Variants in WDHD1 observed in about 807,000 individuals in gnomAD.
WDHD1 encodes the protein WD repeat and HMG-box DNA binding protein 1.
WDHD1 carries 111 observed loss-of-function variants against 135.4 expected under a neutral mutation model. That is an observed-to-expected ratio of 0.82 (90% confidence interval 0.70 to 0.96). The LOEUF is 0.96. Ranked by LOEUF, WDHD1 falls within the 40% of genes least tolerant of loss-of-function variation. WDHD1 has a pLI of 0.00. For missense variants in WDHD1, 1,351 were observed against 1,336.3 expected (o/e 1.01, Z -0.17); for synonymous variants, 434 against 439.0 (o/e 0.99, Z 0.14).
At position 55,011,885 on chromosome 14, in the gene WDHD1, G is replaced by A. The variant is rs138914907; in HGVS notation, c.190-1425C>T. Among the ~76,000 whole-genome samples, 1,505 of 151,884 alleles carry A rather than the reference G, an allele frequency of 9.9e-3. 16 individuals are homozygous for A. The highest frequency in any genetic ancestry group is 0.027 in the Middle Eastern group (8 of 294). Reference sequence around the variant, plus strand: ...ATTGAAAGACCCTTCAATTGTTTCCGACATTTGCTATTGTTATGAATTGTG... The same window carrying A: ...ATTGAAAGACCCTTCAATTGTTTCCAACATTTGCTATTGTTATGAATTGTG... On this transcript the variant is annotated intron_variant, in intron 3 of 25. Coordinates refer to ENST00000360586, the MANE Select transcript of WDHD1 (RefSeq NM_007086.4).
At chr14:54,968,868 C>T (rs971675350) in intron 16 of WDHD1, among the ~76,000 whole-genome samples, 2 of 152,020 alleles carry the variant, frequency 1.3e-5, no homozygotes, top group South Asian at 4.1e-4. Context: ...AAATGAGACC[C>T]AATTGCTACA....
At position 54,951,187 on chromosome 14, in the gene WDHD1, C is replaced by CA. The variant is rs916529889; in HGVS notation, c.3050+4373dup. 1.0e-3 allele frequency among the ~76,000 whole-genome samples: 151 copies of CA among 151,612 alleles called. 1 individual carries two copies. Among genetic ancestry groups the CA allele is most frequent in the African/African-American group, 3.2e-3 (133 of 41,230 alleles). On this transcript the variant is annotated intron_variant, in intron 24 of 25. Transcript: ENST00000360586. ...GGAGATAGAGACACAAAAAAGCCTT[C>CA]AAAAAATCAATGAATCCAGGAGCTG... is the stretch of plus-strand genomic sequence containing the variant.
At chr14:55,001,876 C>G (rs2041986360) in intron 8 of WDHD1, among the ~76,000 whole-genome samples, 1 of 152,180 alleles carries the variant, frequency 6.6e-6, no homozygotes, top group South Asian at 2.1e-4. Context: ...TGTTCTAATA[C>G]TATGCAAGGG....
At chr14:54,967,158 C>T in intron 17 of WDHD1, 122 bp downstream of exon 17, 3 of 786,046 alleles carry the variant, frequency 3.8e-6, no homozygotes, top group Non-Finnish European at 6.0e-6. Flanking sequence ...CCCTGCTACC[C>T]CTATTTATGT....
chr14:54,996,214 TAA>T lies in WDHD1; in HGVS notation c.943-403_943-402del, dbSNP rs370792481. Among the ~76,000 whole-genome samples the T allele has an allele frequency of 8.7e-3, 1,327 of 152,326 alleles. 19 individuals are homozygous for T. The highest frequency in any genetic ancestry group is 0.031 in the African/African-American group (1,273 of 41,568). Reference sequence around the variant, plus strand: ...CTTTTATTTTGAACAAAATACTGCATAAGATACATTTTCTTTATATTATCTCA... The same window carrying T: ...CTTTTATTTTGAACAAAATACTGCATGATACATTTTCTTTATATTATCTCA... On this transcript the variant is annotated intron_variant, in intron 10 of 25. Coordinates refer to ENST00000360586, the MANE Select transcript of WDHD1 (RefSeq NM_007086.4).
intron 16 of WDHD1, among the ~76,000 whole-genome samples, chr14:54,981,171 G>A (rs779867527): frequency 1.3e-5 from 2 of 148,412 alleles, no homozygotes; most frequent in Non-Finnish European, 3.0e-5. Context: ...CAGCTTAATT[G>A]TATATTTCAA....
At chr14:54,955,467 G>T in intron 24 of WDHD1, 94 bp downstream of exon 24, 2 of 1,269,498 alleles carry the variant, frequency 1.6e-6, no homozygotes, top group Non-Finnish European at 2.0e-6. Context: ...TGTATTATTT[G>T]TATTAAGGAA....
At position 55,014,461 on chromosome 14, in the gene WDHD1, G is replaced by A. The variant is rs114298834; in HGVS notation, c.78-865C>T. ...AATCTGCAACAATAAAATAGGGACC[G>A]TATCTTCCTTGTCCACCATTGTATC... On this transcript the variant is annotated intron_variant, in intron 2 of 25. Transcript: ENST00000360586. 3.1e-3 allele frequency among the ~76,000 whole-genome samples: 474 copies of A among 152,230 alleles called. 2 individuals are homozygous for A. Among genetic ancestry groups the A allele is most frequent in the African/African-American group, 0.011 (450 of 41,544 alleles).
chr14:54,962,442 T>C (rs1261912715), intron 21 of WDHD1, 56 bp downstream of exon 21: 2 of 1,348,276 alleles, frequency 1.5e-6, no homozygotes, highest in East Asian at 2.3e-5. Flanking sequence ...GATGTGTCAC[T>C]TTGCAGATGA....
intron 3 of WDHD1, among the ~76,000 whole-genome samples, chr14:55,012,030 G>A (rs2042179529): frequency 6.6e-6 from 1 of 151,632 alleles, no homozygotes. Context: ...TATGTATCCA[G>A]CCACTATGTA....
intron 16 of WDHD1, among the ~76,000 whole-genome samples, chr14:54,972,277 C>A (rs55965693): frequency 0.54 from 60,574 of 112,272 alleles, 14,159 homozygotes; most frequent in African/African-American, 0.71. Flanking sequence ...TCGGTCTCAC[C>A]AAAAAAAAAA....
At chr14:55,019,655 G>A (rs1245331541) in intron 2 of WDHD1, among the ~76,000 whole-genome samples, 1 of 152,168 alleles carries the variant, frequency 6.6e-6, no homozygotes, top group African/African-American at 2.4e-5. Context: ...GATCAATTGA[G>A]GTCAGGAGTT....
intron 11 of WDHD1, among the ~76,000 whole-genome samples, chr14:54,992,166 G>C (rs2041803560): frequency 6.6e-6 from 1 of 151,868 alleles, no homozygotes; most frequent in South Asian, 2.1e-4. Flanking sequence ...GCTGAGACAG[G>C]AGAATCGCTT....
chr14:55,008,413 T>C (rs765738151), intron 5 of WDHD1, 47 bp from the exon 6 acceptor site: 24 of 1,570,882 alleles, frequency 1.5e-5, no homozygotes, highest in Non-Finnish European at 2.0e-5. Context: ...GCCATAATAC[T>C]ACATGGAAAG....
chr14:54,999,855 A>T lies in WDHD1; in HGVS notation c.942+648T>A, dbSNP rs1248157656. The stretch of plus-strand genomic sequence containing the variant: ...CTCCTGGGCTCAAGCAATCCTCCCA[A>T]AGTGTTGGGATTACAGGTGTGAGTC... On this transcript the variant is annotated intron_variant, in intron 10 of 25. Coordinates refer to ENST00000360586, the MANE Select transcript of WDHD1 (RefSeq NM_007086.4). Among the ~76,000 whole-genome samples, 3 of 152,052 alleles carry T rather than the reference A, an allele frequency of 2.0e-5. No individual in the cohort carries two copies. In the East Asian group the frequency reaches 5.8e-4, roughly 29 times the overall value.
intron 13 of WDHD1, 95 bp from the exon 14 acceptor site, chr14:54,987,482 A>C: frequency 8.7e-7 from 1 of 1,144,872 alleles, no homozygotes; most frequent in Non-Finnish European, 1.2e-6. Context: ...AAAAAAACCA[A>C]ATAGTTTACT....
chr14:54,987,451 T>TATATAG, intron 13 of WDHD1, 64 bp from the exon 14 acceptor site: 1 of 1,362,440 alleles, frequency 7.3e-7, no homozygotes, highest in South Asian at 1.6e-5. Flanking sequence ...TATATATATA[T>TATATAG]AAGCAATCAT....
In WDHD1 at chr14:55,008,361, T is replaced by C. The variant is rs1595117369; in HGVS notation, c.459A>G (p.Ser153=). 1 of 1,613,564 alleles carries C rather than the reference T, an allele frequency of 6.2e-7. No individual in the cohort carries two copies. Among genetic ancestry groups the C allele is most frequent in the South Asian group, 1.1e-5 (1 of 90,988 alleles). ...SFDPKDIFLA[S]ASCDGSVRVW... is the part of the protein sequence containing the mutation. Reference sequence around the variant, plus strand: ...CTCTGACAGATCCATCACAACTAGCTGATGCCTGCAGGAATAAACAATACA... The same window carrying C: ...CTCTGACAGATCCATCACAACTAGCCGATGCCTGCAGGAATAAACAATACA... Residue 153 remains serine (S), a synonymous_variant, in exon 6 of 26, where the codon TCA becomes TCG. Coordinates refer to ENST00000360586, the MANE Select transcript of WDHD1 (RefSeq NM_007086.4).
Position 55,013,484 on chromosome 14 carries a change from C to A in WDHD1, c.189+1G>T. ...TCAATTGATATAACTGTTTTTACTA[C>A]CTTCAAAGCACATGAATATGCCTTT... On this transcript the variant is annotated splice_donor_variant, in intron 3 of 25. Coordinates refer to ENST00000360586, the MANE Select transcript of WDHD1 (RefSeq NM_007086.4). LOFTEE classifies it high-confidence loss of function. 1 of 1,606,024 alleles carries A rather than the reference C, an allele frequency of 6.2e-7. No homozygotes were observed. Among genetic ancestry groups the A allele is most frequent in the Non-Finnish European group, 8.5e-7 (1 of 1,172,888 alleles).
Sources: allele counts gnomAD v4.1 joint callset (sites outside exome capture counted in the v4.1 genomes callset), GRCh38; gene constraint gnomAD v4.1.1; transcripts MANE v1.5; gene names NCBI Gene and HGNC (gene_info 2026-07-23, HGNC 2026-07-21).